The following KDM5A variants were observed in gnomAD, a reference collection of about 807,000 sequenced individuals.
KDM5A encodes the protein lysine-specific demethylase 5A.
A neutral mutation model predicts 193.5 loss-of-function variants in KDM5A; 42 were observed. The ratio of observed to expected loss-of-function variants is 0.22; its 90% CI spans 0.17 to 0.28. The LOEUF is 0.28. Among genes scored for constraint, KDM5A ranks in the 10% least tolerant of loss-of-function variants. The probability of loss-of-function intolerance (pLI) is 1.00; values close to 1 mark genes in which losing one functional copy is unlikely to be tolerated. For synonymous variants in KDM5A, 796 were observed against 718.1 expected, an observed-to-expected ratio of 1.11 and a Z score of -1.73; for missense variants, 1,692 against 2,055.1, an observed-to-expected ratio of 0.82 and a Z score of 3.42.
chr12:357,636 C>T (rs867484002), intron 5 of KDM5A, among the ~76,000 whole-genome samples: 4 of 151,108 alleles, frequency 2.6e-5, no homozygotes, highest in African/African-American at 7.3e-5. Context: ...TAAACCAGCC[C>T]GCCCAATATG....
At chr12:320,283 G>C (rs986617151) in intron 18 of KDM5A, among the ~76,000 whole-genome samples, 1 of 152,104 alleles carries the variant, frequency 6.6e-6, no homozygotes, top group Non-Finnish European at 1.5e-5. Flanking sequence ...GACCACTTGA[G>C]GTCAGGAGTT....
chr12:333,438 A>AAAAC (rs751884628), intron 12 of KDM5A, 49 bp downstream of exon 12: 47 of 1,608,354 alleles, frequency 2.9e-5, no homozygotes, highest in South Asian at 6.6e-5. Context: ...GAAAAAAGAA[A>AAAAC]AAACAAACAA....
At chr12:322,117 G>T in intron 17 of KDM5A, 1 of 330,172 alleles carries the variant, frequency 3.0e-6, no homozygotes, top group Non-Finnish European at 5.6e-6. Context: ...AGGTAGGTAA[G>T]GGAACAAGCC....
At chr12:362,939 T>A (rs1043722925) in intron 5 of KDM5A, 24 bp downstream of exon 5, 1 of 1,612,808 alleles carries the variant, frequency 6.2e-7, no homozygotes, top group South Asian at 1.1e-5. Flanking sequence ...TTTAAAAATT[T>A]AAAAAAGCCC....
At chr12:314,951 T>G (rs1943632562) in intron 19 of KDM5A, among the ~76,000 whole-genome samples, 1 of 152,210 alleles carries the variant, frequency 6.6e-6, no homozygotes, top group African/African-American at 2.4e-5. Flanking sequence ...TTAGGGAATT[T>G]GGACTTCATC....
In KDM5A at chr12:307,368, A is replaced by T. The variant is rs1294601615; in HGVS notation, c.3930+86T>A. 99 of 1,396,340 alleles carry T rather than the reference A, an allele frequency of 7.1e-5. No individual in the cohort carries two copies. The East Asian group carries it at 2.2e-3, about 31-fold the overall frequency. 86.5% of individuals were successfully genotyped at this position (1,396,340 alleles called of 1,614,324 possible). A position where few individuals can be genotyped will look rare whatever the true frequency, so the allele number is the denominator to read the frequency against. On this transcript the variant is annotated intron_variant, in intron 23 of 27. Transcript: ENST00000399788. This position sits in a 1 kb window ranked among gnomAD's most constrained non-coding sequence, Gnocchi z 4.3. ...GCTGACAAGTTACTGTTATTTTCCT[A>T]ATCAATTGGTAAGACAGACTCAATT...
At position 318,166 on chromosome 12, in the gene KDM5A, T is replaced by C. The variant is rs745906595; in HGVS notation, c.2837A>G (p.Gln946Arg). Reference sequence around the variant, plus strand: ...TCGTTCAGAGACTGTAAGGAGCTCCTGTAGTTCAGCCATTGCTTTCTCCAC... The same window carrying C: ...TCGTTCAGAGACTGTAAGGAGCTCCCGTAGTTCAGCCATTGCTTTCTCCAC... ...HAVEKAMAEL[Q>R]ELLTVSERWE... Residue 946 changes from glutamine to arginine, a missense_variant, in exon 19 of 28, where the codon CAG (glutamine) becomes CGG (arginine). By Grantham distance (43) the Gln-to-Arg change is conservative (BLOSUM62 1). Around this residue, in one of 11 missense-constraint regions of KDM5A, gnomAD observed 965 missense variants for 1,061.0 expected, o/e 0.91. Coordinates refer to ENST00000399788, the MANE Select transcript of KDM5A (RefSeq NM_001042603.3). 1.2e-6 allele frequency: 2 copies of C among 1,614,264 alleles called. No individual in the cohort carries two copies. The highest frequency in any genetic ancestry group is 1.1e-5 in the South Asian group (1 of 91,086).
At position 323,210 on chromosome 12, in the gene KDM5A, C is replaced by CAAAAAAAA. The variant is rs60377454; in HGVS notation, c.2151-12_2151-5dup. ...GTCTTCTAATGGGTAGCGATATCTA[C>CAAAAAAAA]AAAAAAAAAAAAAAAAAAAAAAAAA... On this transcript the variant is annotated splice_region_variant and splice_polypyrimidine_tract_variant and intron_variant, in intron 15 of 27. Coordinates refer to ENST00000399788, the MANE Select transcript of KDM5A (RefSeq NM_001042603.3). The CAAAAAAAA allele has an allele frequency of 0.013, 3,906 of 296,426 alleles. 164 individuals carry two copies. The highest frequency in any genetic ancestry group is 0.032 in the Admixed American group (253 of 7,908). The allele number at this position is 296,426 out of a possible 1,614,324, so 18.4% of individuals were successfully genotyped here. A position where few individuals can be genotyped will look rare whatever the true frequency, so the allele number is the denominator to read the frequency against.
At chr12:324,488 G>C (rs913574273) in intron 14 of KDM5A, among the ~76,000 whole-genome samples, 2 of 152,184 alleles carry the variant, frequency 1.3e-5, no homozygotes, top group African/African-American at 4.8e-5. Context: ...ACATATGTAA[G>C]GACAAAGAAG....
At chr12:288,474 A>C (rs538504837) in intron 27 of KDM5A, among the ~76,000 whole-genome samples, 3 of 152,346 alleles carry the variant, frequency 2.0e-5, no homozygotes, top group African/African-American at 7.2e-5. Context: ...AATATATTAA[A>C]AAGAGGAAAT....
rs1555132314 is a variant in KDM5A, at chr12:330,085, G to GTA, written c.1774-1058_1774-1057dup. Among the ~76,000 whole-genome samples, 1,032 of 139,334 alleles carry GTA rather than the reference G, an allele frequency of 7.4e-3. 12 individuals carry two copies. Among genetic ancestry groups the GTA allele is most frequent in the South Asian group, 9.8e-3 (42 of 4,288 alleles). The allele number at this position is 139,334 out of a possible 152,430, so 91.4% of individuals were successfully genotyped here. On this transcript the variant is annotated intron_variant, in intron 13 of 27. Transcript: ENST00000399788. Reference sequence around the variant, plus strand: ...TGTGTGTGTGTGTGTGTGTGTGTGTGTATATATATATATCTTATGATTAGC... The same window carrying GTA: ...TGTGTGTGTGTGTGTGTGTGTGTGTGTATATATATATATATCTTATGATTAGC...
At chr12:299,773 C>G (rs1591900829) in intron 24 of KDM5A, among the ~76,000 whole-genome samples, 1 of 151,926 alleles carries the variant, frequency 6.6e-6, no homozygotes, top group Non-Finnish European at 1.5e-5. Context: ...TCAAGACCCA[C>G]CAGTGTGCTG....
chr12:369,504 A>G (rs568103505), intron 3 of KDM5A, among the ~76,000 whole-genome samples: 1 of 152,354 alleles, frequency 6.6e-6, no homozygotes, highest in East Asian at 1.9e-4. Context: ...TAAATATTGT[A>G]GAAGAAATTA....
At chr12:344,583 C>G (rs1173270953) in intron 10 of KDM5A, among the ~76,000 whole-genome samples, 1 of 152,192 alleles carries the variant, frequency 6.6e-6, no homozygotes, top group Non-Finnish European at 1.5e-5. Flanking sequence ...AGAAACCCTA[C>G]AAGCCAGAAG....
intron 27 of KDM5A, chr12:286,016 A>G (rs1943216291): frequency 2.4e-6 from 1 of 418,062 alleles, no homozygotes; most frequent in Non-Finnish European, 4.5e-6. Flanking sequence ...CTAGGCTCTA[A>G]GACAATGCAA....
At position 366,024 on chromosome 12, in the gene KDM5A, C is replaced by T. The variant is rs766796247; in HGVS notation, c.447G>A (p.Leu149=). Residue 149 remains leucine, a synonymous_variant, in exon 4 of 28, where the codon CTG becomes CTA. Coordinates refer to ENST00000399788, the MANE Select transcript of KDM5A (RefSeq NM_001042603.3). ...WSKVGSRLGY[L]PGKGTGSLLK... is the part of the protein sequence containing the mutation. Reference sequence around the variant, plus strand: ...AAAGAGACCCAGTTCCTTTTCCTGGCAGATATCCCAAGCGACTACCCACTT... The same window carrying T: ...AAAGAGACCCAGTTCCTTTTCCTGGTAGATATCCCAAGCGACTACCCACTT... 6.2e-7 allele frequency: 1 copy of T among 1,613,950 alleles called. No homozygotes were observed. The highest frequency in any genetic ancestry group is 1.7e-5 in the Admixed American group (1 of 60,030).
chr12:289,907 C>CTTTTTTTTTTTTTTTTTTTTTTTTTTT (rs750918968), intron 27 of KDM5A, among the ~76,000 whole-genome samples: 12 of 99,644 alleles, frequency 1.2e-4, no homozygotes, highest in East Asian at 8.9e-4. Flanking sequence ...TTCTTTCTTT[C>CTTTTTTTTTTTTTTTTTTTTTTTTTTT]TTTTTTTTTT....
intron 17 of KDM5A, chr12:322,214 C>G: frequency 1.7e-6 from 1 of 589,826 alleles, no homozygotes; most frequent in Non-Finnish European, 3.0e-6. Context: ...GTATGAAGAA[C>G]AGCAAGAGAA....
Position 295,561 on chromosome 12 carries a change from T to C in KDM5A, c.4455+12A>G. 6.2e-7 allele frequency: 1 copy of C among 1,611,708 alleles called. No homozygotes were observed. The highest frequency in any genetic ancestry group is 8.5e-7 in the Non-Finnish European group (1 of 1,177,826). On this transcript the variant is annotated intron_variant, in intron 26 of 27. Coordinates refer to ENST00000399788, the MANE Select transcript of KDM5A (RefSeq NM_001042603.3). ...TTTTTAACCACTGTTTAAATAAGTA[T>C]TAAATCCACACCTCCATGATATGCA...
Sources: gnomAD v4.1 joint callset for allele counts (sites outside exome capture counted in the v4.1 genomes callset) on GRCh38, gnomAD v4.1.1 for gene constraint, gnomAD v4.1.1 regional missense constraint, Gnocchi (gnomAD v3.1) non-coding constraint, MANE v1.5 for transcripts, NCBI Gene and HGNC (gene_info 2026-07-23, HGNC 2026-07-21) for gene names.